RGS8: variants seen among roughly 807,000 people sequenced by gnomAD.
RGS8 encodes regulator of G-protein signaling 8.
A neutral mutation model predicts 21.7 loss-of-function variants in RGS8; 8 were observed. That is an observed-to-expected ratio of 0.37 (90% CI 0.22 to 0.66). The LOEUF is 0.66. RGS8 is among the 30% of genes least tolerant of loss of function. RGS8 has a pLI of 0.59. For missense variants in RGS8, 157 were observed against 217.9 expected (o/e 0.72, Z 1.76); for synonymous variants, 80 against 83.6 (o/e 0.96, Z 0.24).
At chr1:182,719,818 A>G in the RGS8 span, among the ~76,000 whole-genome samples, 10 of 152,108 alleles carry the variant, frequency 6.6e-5, no homozygotes, top group African/African-American at 2.4e-4. Context: ...TATACCATTT[A>G]TAGTCACTTT....
the RGS8 span, among the ~76,000 whole-genome samples, chr1:182,735,883 G>T: frequency 3.9e-5 from 6 of 152,098 alleles, no homozygotes; most frequent in Non-Finnish European, 7.3e-5. Flanking sequence ...GGGCCTTTCT[G>T]CCCCCAAATA....
intron 5 of RGS8, among the ~76,000 whole-genome samples, chr1:182,661,752 CTT>C (rs1202536744): frequency 6.6e-6 from 1 of 151,952 alleles, no homozygotes; most frequent in Non-Finnish European, 1.5e-5. Flanking sequence ...AATGAGGAAA[CTT>C]TGCTCTCTTG....
At chr1:182,701,473 C>A in the RGS8 span, among the ~76,000 whole-genome samples, 1 of 152,222 alleles carries the variant, frequency 6.6e-6, no homozygotes, top group Non-Finnish European at 1.5e-5. Context: ...CCATGTCCAG[C>A]TTTCCTTTGA....
At chr1:182,663,762 C>G (rs1361885435) in intron 5 of RGS8, among the ~76,000 whole-genome samples, 1 of 152,190 alleles carries the variant, frequency 6.6e-6, no homozygotes, top group African/African-American at 2.4e-5. Flanking sequence ...CTCCTAAGCT[C>G]AAGTGATCCT....
chr1:182,718,993 A>G, the RGS8 span, among the ~76,000 whole-genome samples: 1 of 152,146 alleles, frequency 6.6e-6, no homozygotes, highest in African/African-American at 2.4e-5. Context: ...TTCCCAAATA[A>G]CAGTTTCTAA....
At chr1:182,691,774 G>T in the RGS8 span, among the ~76,000 whole-genome samples, 2 of 151,886 alleles carry the variant, frequency 1.3e-5, no homozygotes, top group African/African-American at 4.8e-5. Context: ...AATGATGCCC[G>T]CTCTCACCAC....
the RGS8 span, among the ~76,000 whole-genome samples, chr1:182,696,190 AT>A: frequency 6.6e-6 from 1 of 152,160 alleles, no homozygotes; most frequent in Non-Finnish European, 1.5e-5. Flanking sequence ...CAATTTAGGA[AT>A]TCACCAATTA....
chr1:182,705,660 A>G, the RGS8 span, among the ~76,000 whole-genome samples: 2 of 136,078 alleles, frequency 1.5e-5, no homozygotes, highest in African/African-American at 5.7e-5. Context: ...TATCTGCATC[A>G]TCTACAAGCA....
At chr1:182,730,817 G>A in the RGS8 span, among the ~76,000 whole-genome samples, 53 of 151,976 alleles carry the variant, frequency 3.5e-4, 1 homozygote, top group Non-Finnish European at 2.9e-5. Context: ...TAAGAATGTT[G>A]TGGAACACTA....
At chr1:182,649,972 C>T (rs1346872046) in intron 5 of RGS8, among the ~76,000 whole-genome samples, 1 of 149,332 alleles carries the variant, frequency 6.7e-6, no homozygotes, top group Non-Finnish European at 1.5e-5. Flanking sequence ...AGTGCAGTGG[C>T]ACAGTTCCGA....
intron 5 of RGS8, among the ~76,000 whole-genome samples, chr1:182,655,902 C>A (rs766215970): frequency 1.3e-5 from 2 of 152,212 alleles, no homozygotes; most frequent in African/African-American, 4.8e-5. Flanking sequence ...TACATCAACG[C>A]TCCTAAGCAG....
chr1:182,708,391 G>A, the RGS8 span, among the ~76,000 whole-genome samples: 1 of 152,308 alleles, frequency 6.6e-6, no homozygotes, highest in East Asian at 1.9e-4. Context: ...ATGAAGGTGA[G>A]GCAGACCTGA....
At chr1:182,688,341 A>C (rs1429131117), upstream of RGS8, among the ~76,000 whole-genome samples, 1 of 151,588 alleles carries the variant, frequency 6.6e-6, no homozygotes, top group Non-Finnish European at 1.5e-5. Context: ...ACACACACAC[A>C]CTTTCTCTCT....
upstream of RGS8, among the ~76,000 whole-genome samples, chr1:182,676,993 C>A (rs192954959): frequency 2.9e-4 from 44 of 152,238 alleles, 1 homozygote; most frequent in African/African-American, 1.1e-3. Flanking sequence ...GTACATCACA[C>A]CCTATTATTA....
At chr1:182,723,522 A>G in the RGS8 span, among the ~76,000 whole-genome samples, 2 of 152,236 alleles carry the variant, frequency 1.3e-5, no homozygotes, top group Non-Finnish European at 2.9e-5. Context: ...GAGAGAACAA[A>G]CTAGCAAAAA....
chr1:182,740,218 C>G, the RGS8 span, among the ~76,000 whole-genome samples: 1 of 152,314 alleles, frequency 6.6e-6, no homozygotes, highest in South Asian at 2.1e-4. Context: ...GACCTAAGTG[C>G]TGTGTACTCA....
chr1:182,750,912 T>C, the RGS8 span, among the ~76,000 whole-genome samples: 22 of 152,224 alleles, frequency 1.4e-4, no homozygotes, highest in African/African-American at 5.3e-4. Context: ...ATATGAGATA[T>C]GCAGAAAGAG....
the RGS8 span, among the ~76,000 whole-genome samples, chr1:182,710,796 G>A: frequency 1.3e-5 from 2 of 152,196 alleles, no homozygotes; most frequent in Admixed American, 1.3e-4. Flanking sequence ...ACCTGAAAAT[G>A]TAGGTAGTAG....
the RGS8 span, among the ~76,000 whole-genome samples, chr1:182,748,062 A>T: frequency 6.6e-6 from 1 of 152,138 alleles, no homozygotes; most frequent in Non-Finnish European, 1.5e-5. Context: ...AGAATGGTTA[A>T]ATTTAGGTAA....
Sources: gnomAD v4.1 joint callset for allele counts (sites outside exome capture counted in the v4.1 genomes callset) on GRCh38, gnomAD v4.1.1 for gene constraint, MANE v1.5 for transcripts, NCBI Gene and HGNC (gene_info 2026-07-23, HGNC 2026-07-21) for gene names.